The following NFATC1 variants were observed in gnomAD, a reference collection of about 807,000 sequenced individuals.
NFATC1 encodes nuclear factor of activated T cells 1, also known as nuclear factor of activated T-cells, cytoplasmic 1.
A neutral mutation model predicts 76.0 loss-of-function variants in NFATC1; 22 were observed. That is an observed-to-expected ratio of 0.29 (90% CI 0.21 to 0.41). The LOEUF (loss-of-function observed/expected upper bound fraction) is 0.41, where lower values mean the gene tolerates loss of function less well. Among genes scored for constraint, NFATC1 ranks in the 10% least tolerant of loss-of-function variants. The probability of loss-of-function intolerance (pLI) is 1.00; values close to 1 mark genes in which losing one functional copy is unlikely to be tolerated. For missense variants in NFATC1, 1,357 were observed against 1,337.7 expected (o/e 1.01, Z -0.23); for synonymous variants, 704 against 613.1 (o/e 1.15, Z -2.19).
At position 79,527,689 on chromosome 18, in the gene NFATC1, C is replaced by A. The variant is rs1055583026; in HGVS notation, c.*112C>A. ...GGTACCACTCAGAACCTCCAACTGA[C>A]TGAATGCCAGGAGCTGAACATTAAT... On this transcript the variant is annotated 3_prime_UTR_variant, in exon 10 of 10. Transcript: ENST00000427363. 8.6e-5 allele frequency: 81 copies of A among 942,972 alleles called. No homozygotes were observed. The highest frequency in any genetic ancestry group is 1.1e-4 in the Non-Finnish European group (67 of 592,122). The allele number at this position is 942,972 out of a possible 1,614,324, so 58.4% of individuals were successfully genotyped here. A position where few individuals can be genotyped will look rare whatever the true frequency, so the allele number is the denominator to read the frequency against.
chr18:79,495,729 C>T (rs1334428984), intron 9 of NFATC1, among the ~76,000 whole-genome samples: 2 of 152,250 alleles, frequency 1.3e-5, no homozygotes, highest in East Asian at 1.9e-4. Flanking sequence ...ATGCCTTTGT[C>T]ATCTTGTGTA....
At chr18:79,400,863 CT>C (rs2085208677) in intron 1 of NFATC1, among the ~76,000 whole-genome samples, 1 of 438 alleles carries the variant, frequency 2.3e-3, no homozygotes, top group Non-Finnish European at 5.1e-3. Context: ...CGACCTCCGC[CT>C]CAGCCATCCT....
At chr18:79,435,764 T>C (rs2086753017) in intron 3 of NFATC1, among the ~76,000 whole-genome samples, 1 of 152,170 alleles carries the variant, frequency 6.6e-6, no homozygotes, top group African/African-American at 2.4e-5. Context: ...AAATGTACCC[T>C]CAACAATTAT....
intron 9 of NFATC1, among the ~76,000 whole-genome samples, chr18:79,489,730 G>A (rs897201463): frequency 2.6e-5 from 4 of 152,178 alleles, no homozygotes; most frequent in Non-Finnish European, 4.4e-5. Context: ...GTCCACGTAC[G>A]CTTCGTCAGG....
intron 9 of NFATC1, among the ~76,000 whole-genome samples, chr18:79,503,621 G>A (rs541825196): frequency 1.1e-3 from 164 of 152,160 alleles, no homozygotes; most frequent in Non-Finnish European, 1.9e-3. Flanking sequence ...GATTTTCGGG[G>A]TGGCAGATGG....
At chr18:79,507,202 C>T (rs1600954848) in intron 9 of NFATC1, among the ~76,000 whole-genome samples, 1 of 152,396 alleles carries the variant, frequency 6.6e-6, no homozygotes, top group South Asian at 2.1e-4. Flanking sequence ...CAGGCCCTCC[C>T]AGCTGCTGTT....
At chr18:79,449,033 G>T (rs763696934) in intron 4 of NFATC1, 49 bp downstream of exon 4, 2 of 1,585,884 alleles carry the variant, frequency 1.3e-6, no homozygotes, top group Admixed American at 1.7e-5. Flanking sequence ...GTAGGAGGGG[G>T]CGTGCCTCCC....
rs146345526 is a variant in NFATC1, at chr18:79,424,629, G to A, written c.1227-8950G>A. Among the ~76,000 whole-genome samples, 568 of 139,440 alleles carry A rather than the reference G, an allele frequency of 4.1e-3. 3 individuals carry two copies. The highest frequency in any genetic ancestry group is 0.015 in the African/African-American group (545 of 36,638). 91.5% of individuals were successfully genotyped at this position (139,440 alleles called of 152,430 possible). A position where few individuals can be genotyped will look rare whatever the true frequency, so the allele number is the denominator to read the frequency against. ...TCTCCGTCTGTCTCTCTGTCTCTCC[G>A]TCTGTCTCTCTGTCTCTCTTTCCGT... On this transcript the variant is annotated intron_variant, in intron 2 of 9. Coordinates refer to ENST00000427363, the MANE Select transcript of NFATC1 (RefSeq NM_001278669.2).
At chr18:79,476,069 T>A (rs1385399337) in intron 8 of NFATC1, among the ~76,000 whole-genome samples, 1 of 150,708 alleles carries the variant, frequency 6.6e-6, no homozygotes, top group Admixed American at 6.6e-5. Flanking sequence ...AAGGGGCTTG[T>A]TGAGAAATCT....
At chr18:79,486,094 C>CTT (rs58384557) in intron 8 of NFATC1, among the ~76,000 whole-genome samples, 154 bp from the exon 9 acceptor site, 36 of 148,052 alleles carry the variant, frequency 2.4e-4, no homozygotes, top group African/African-American at 8.2e-4. Flanking sequence ...TGACTCACGC[C>CTT]TTTTTTTTTT....
chr18:79,453,274 G>C (rs563684763), intron 6 of NFATC1, among the ~76,000 whole-genome samples: 9 of 152,360 alleles, frequency 5.9e-5, no homozygotes, highest in Admixed American at 2.0e-4. Flanking sequence ...GACCTGAGCA[G>C]CCTCCTTGCT....
intron 3 of NFATC1, among the ~76,000 whole-genome samples, chr18:79,439,780 C>T (rs2086906791): frequency 6.6e-6 from 1 of 152,170 alleles, no homozygotes; most frequent in Non-Finnish European, 1.5e-5. Context: ...TTATTTCTCC[C>T]CTAAAGCAAA....
intron 2 of NFATC1, among the ~76,000 whole-genome samples, chr18:79,414,824 C>T (rs2085821878): frequency 6.6e-6 from 1 of 152,182 alleles, no homozygotes; most frequent in Admixed American, 6.5e-5. Context: ...TCCCAGGGCA[C>T]CTTTCCGTGT....
intron 9 of NFATC1, among the ~76,000 whole-genome samples, chr18:79,511,517 G>A (rs1403496572): frequency 6.6e-6 from 1 of 152,222 alleles, no homozygotes; most frequent in East Asian, 1.9e-4. Flanking sequence ...GGCTGTGAGG[G>A]CACCAGGGCC....
chr18:79,468,113 G>A, intron 8 of NFATC1: 5 of 455,572 alleles, frequency 1.1e-5, no homozygotes, highest in Non-Finnish European at 1.4e-5. Flanking sequence ...ATCCAGGCTG[G>A]GGCACCTTCT....
chr18:79,507,683 C>A (rs1413636270), intron 9 of NFATC1, among the ~76,000 whole-genome samples: 1 of 152,236 alleles, frequency 6.6e-6, no homozygotes, highest in Non-Finnish European at 1.5e-5. Flanking sequence ...CTAGAAAGGA[C>A]ACCAGGCTTC....
At chr18:79,436,997 A>G (rs1381997865) in intron 3 of NFATC1, among the ~76,000 whole-genome samples, 1 of 152,152 alleles carries the variant, frequency 6.6e-6, no homozygotes, top group East Asian at 1.9e-4. Flanking sequence ...TACGGCTGCC[A>G]CGGCGCTAAA....
intron 2 of NFATC1, chr18:79,421,010 C>G (rs1460538729): frequency 6.6e-6 from 1 of 152,344 alleles, no homozygotes; most frequent in African/African-American, 2.4e-5. Context: ...CGCGTGGAGT[C>G]ATATTCCAGG....
At chr18:79,487,704 G>A (rs1371346684) in intron 9 of NFATC1, among the ~76,000 whole-genome samples, 4 of 152,242 alleles carry the variant, frequency 2.6e-5, no homozygotes, top group Admixed American at 6.5e-5. Flanking sequence ...ACTTTAAGGC[G>A]CAGCCCGACT....
Sources: gnomAD v4.1 joint callset for allele counts (sites outside exome capture counted in the v4.1 genomes callset) on GRCh38, gnomAD v4.1.1 for gene constraint, MANE v1.5 for transcripts, NCBI Gene and HGNC (gene_info 2026-07-23, HGNC 2026-07-21) for gene names.